Variants in ACSM5 observed in about 807,000 individuals in gnomAD.
ACSM5 encodes acyl-coenzyme A synthetase ACSM5, mitochondrial.
In ACSM5, 56 loss-of-function variants were observed where a neutral mutation model predicts 71.6. The ratio of observed to expected loss-of-function variants is 0.78; its 90% CI spans 0.63 to 0.98. The LOEUF (loss-of-function observed/expected upper bound fraction) is 0.98, where lower values mean the gene tolerates loss of function less well. Among genes scored for constraint, ACSM5 ranks in the 50% least tolerant of loss-of-function variants. ACSM5 has a pLI of 0.00. For synonymous variants in ACSM5, 285 were observed against 281.5 expected, an observed-to-expected ratio of 1.01 and a Z score of -0.12; for missense variants, 723 against 726.0, an observed-to-expected ratio of 1.00 and a Z score of 0.05.
At chr16:20,431,110 T>C (rs1967088476) in intron 9 of ACSM5, 37 bp downstream of exon 9, 1 of 1,606,726 alleles carries the variant, frequency 6.2e-7, no homozygotes, top group Non-Finnish European at 8.5e-7. Flanking sequence ...AGGCCTGGCA[T>C]GGAGAGGAGA....
At chr16:20,413,878 ATTTAAAGATAT>A (rs1966851909) in intron 2 of ACSM5, among the ~76,000 whole-genome samples, 1 of 151,360 alleles carries the variant, frequency 6.6e-6, no homozygotes, top group Non-Finnish European at 1.5e-5. Context: ...GGTTTCAGGC[ATTTAAAGATAT>A]TTCTGTCTAA....
intron 5 of ACSM5, among the ~76,000 whole-genome samples, chr16:20,422,311 C>G (rs1966895751): frequency 6.6e-6 from 1 of 152,202 alleles, no homozygotes; most frequent in African/African-American, 2.4e-5. Context: ...CGGGTTTCAC[C>G]ATGTTGGCCA....
intron 5 of ACSM5, among the ~76,000 whole-genome samples, chr16:20,421,652 T>C (rs898399944): frequency 7.6e-4 from 70 of 91,688 alleles, no homozygotes; most frequent in Admixed American, 6.5e-3. Context: ...TATATATATA[T>C]ATATACACAC....
chr16:20,434,617 C>T (rs150687873), intron 10 of ACSM5, among the ~76,000 whole-genome samples: 1 of 152,182 alleles, frequency 6.6e-6, no homozygotes, highest in Non-Finnish European at 1.5e-5. Context: ...TTGCTTGAAC[C>T]CGGGAGGCAG....
At chr16:20,438,603 T>G (rs1453611223) in intron 12 of ACSM5, among the ~76,000 whole-genome samples, 6 of 151,782 alleles carry the variant, frequency 4.0e-5, no homozygotes, top group Admixed American at 3.9e-4. Flanking sequence ...GACAAATGGC[T>G]GTGTGCTCAA....
intron 2 of ACSM5, among the ~76,000 whole-genome samples, chr16:20,415,966 A>G (rs1328816199): frequency 6.6e-6 from 1 of 152,204 alleles, no homozygotes; most frequent in Non-Finnish European, 1.5e-5. Flanking sequence ...GAAGTTAAGA[A>G]ATGATTTCAT....
Position 20,421,388 on chromosome 16 carries a change from G to A in ACSM5, c.754G>A (p.Val252Met), listed in dbSNP as rs1966879422. ...CCAGAGCAGCTACGGACTGGGTTTTGTGGCCAGCGGAAGGTACCAGAGCAG... is the reference window on the plus strand; with the variant it reads ...CCAGAGCAGCTACGGACTGGGTTTTATGGCCAGCGGAAGGTACCAGAGCAG... Reference protein sequence around the residue: ...HSQSSYGLGFVASGRRWVALT... With the variant: ...HSQSSYGLGFMASGRRWVALT... The change falls in exon 5 of 14, where the codon GTG becomes ATG. Residue 252 changes from valine to methionine, a missense_variant. Physicochemically the swap from Val to Met is conservative, Grantham distance 21. Transcript: ENST00000331849. 6.3e-7 allele frequency: 1 copy of A among 1,597,202 alleles called. No individual in the cohort carries two copies. Among genetic ancestry groups the A allele is most frequent in the South Asian group, 1.1e-5 (1 of 89,248 alleles).
In ACSM5 at chr16:20,440,435, C is replaced by T. The variant is rs1967303869; in HGVS notation, c.*8C>T. Reference sequence around the variant, plus strand: ...CAGGAGTGGGGGAAATGAGGTGCACCCCAGGAAGGCCCCGTAGACCTCCGA... The same window carrying T: ...CAGGAGTGGGGGAAATGAGGTGCACTCCAGGAAGGCCCCGTAGACCTCCGA... On this transcript the variant is annotated 3_prime_UTR_variant, in exon 14 of 14. Coordinates refer to ENST00000331849, the MANE Select transcript of ACSM5 (RefSeq NM_017888.3). 5 of 1,607,372 alleles carry T rather than the reference C, an allele frequency of 3.1e-6. No homozygotes were observed. Among genetic ancestry groups the T allele is most frequent in the Non-Finnish European group, 4.3e-6 (5 of 1,174,196 alleles).
At position 20,431,519 on chromosome 16, in the gene ACSM5, C is replaced by A. The variant is rs557185883; in HGVS notation, c.1308+198C>A. Among the ~76,000 whole-genome samples the A allele has an allele frequency of 1.1e-4, 16 of 152,208 alleles. No individual in the cohort carries two copies. In the East Asian group the frequency reaches 2.9e-3, roughly 28 times the overall value. Reference sequence around the variant, plus strand: ...CTACTACAAAGGGGAAGTGACTTATCCAGCATCATGCAAATAGTACAGGCA... The same window carrying A: ...CTACTACAAAGGGGAAGTGACTTATACAGCATCATGCAAATAGTACAGGCA... On this transcript the variant is annotated intron_variant, in intron 10 of 13. Coordinates refer to ENST00000331849, the MANE Select transcript of ACSM5 (RefSeq NM_017888.3).
At position 20,440,514 on chromosome 16, in the gene ACSM5, C is replaced by G. The variant is rs577063222; in HGVS notation, c.*87C>G. 5 of 1,206,802 alleles carry G rather than the reference C, an allele frequency of 4.1e-6. No individual in the cohort carries two copies. The East Asian group carries it at 7.0e-5, about 17-fold the overall frequency. 74.8% of individuals were successfully genotyped at this position (1,206,802 alleles called of 1,614,324 possible). On this transcript the variant is annotated 3_prime_UTR_variant, in exon 14 of 14. Transcript: ENST00000331849. The stretch of plus-strand genomic sequence containing the variant: ...GGTCAGTCCCCATGGGGAGCATCAT[C>G]TCTTCGACCCTAAAGATGTCAAAGG...
chr16:20,419,449 C>A lies in ACSM5; in HGVS notation c.623+14C>A, dbSNP rs780051706. On this transcript the variant is annotated intron_variant, in intron 4 of 13. Coordinates refer to ENST00000331849, the MANE Select transcript of ACSM5 (RefSeq NM_017888.3). The stretch of plus-strand genomic sequence containing the variant: ...GGAACTCCTCCGGTGAATTGGGGCT[C>A]TCCAGAACAGCAGAAAAATGAAGTC... 14 of 1,612,492 alleles carry A rather than the reference C, an allele frequency of 8.7e-6. No individual in the cohort carries two copies. The East Asian group carries it at 3.1e-4, about 36-fold the overall frequency.
At chr16:20,425,077 A>G (rs140375245) in intron 6 of ACSM5, among the ~76,000 whole-genome samples, 1,772 of 152,322 alleles carry the variant, frequency 0.012, 34 homozygotes, top group African/African-American at 0.041. Flanking sequence ...CTTTAAAATA[A>G]CAGGTCTTAT....
chr16:20,421,279 C>A lies in ACSM5; in HGVS notation c.645C>A (p.Asn215Lys). The change falls in exon 5 of 14, where the codon AAC becomes AAA. Residue 215 changes from asparagine to lysine, a missense_variant. Transcript: ENST00000331849. Reference protein sequence around the residue: ...ELLREASTEHNCMRTKSRDPL... With the variant: ...ELLREASTEHKCMRTKSRDPL... ...ACAGGGAGGCTTCTACAGAGCACAA[C>A]TGCATGAGGACAAAGAGTCGAGACC... is the stretch of plus-strand genomic sequence containing the variant. The A allele has an allele frequency of 1.2e-6, 2 of 1,604,726 alleles. No individual in the cohort carries two copies. Among genetic ancestry groups the A allele is most frequent in the South Asian group, 1.1e-5 (1 of 89,776 alleles).
intron 5 of ACSM5, among the ~76,000 whole-genome samples, chr16:20,422,260 C>T (rs376228545): frequency 4.6e-5 from 7 of 152,120 alleles, no homozygotes; most frequent in East Asian, 1.9e-4. Context: ...TACAGGTGCC[C>T]GCCACCACAC....
Position 20,411,573 on chromosome 16 carries a change from C to G in ACSM5, c.89C>G (p.Pro30Arg). 1 of 1,614,202 alleles carries G rather than the reference C, an allele frequency of 6.2e-7. No individual in the cohort carries two copies. The highest frequency in any genetic ancestry group is 8.5e-7 in the Non-Finnish European group (1 of 1,180,038). The change falls in exon 2 of 14, where the codon CCT (proline) becomes CGT (arginine). Residue 30 changes from proline to arginine, a missense_variant. Coordinates refer to ENST00000331849, the MANE Select transcript of ACSM5 (RefSeq NM_017888.3). ...CGSHGKPAPLPVPQKIVATWE... is the reference protein window; with the variant it reads ...CGSHGKPAPLRVPQKIVATWE... ...TCTCATGGGAAGCCAGCACCTCTAC[C>G]TGTTCCTCAGAAGATCGTGGCCACC...
chr16:20,429,568 G>C, intron 7 of ACSM5, 110 bp from the exon 8 acceptor site: 1 of 1,445,796 alleles, frequency 6.9e-7, no homozygotes, highest in East Asian at 2.3e-5. Flanking sequence ...TAAAAAGCAG[G>C]GGCATCTACC....
rs565692748 is a variant in ACSM5, at chr16:20,439,803, G to T, written c.1540G>T (p.Val514Leu). 31 of 1,590,836 alleles carry T rather than the reference G, an allele frequency of 1.9e-5. No homozygotes were observed. In the African/African-American group the frequency reaches 4.2e-4, roughly 21 times the overall value. ...SSPDPIRGEV[V>L]KAFIVLTPAY... ...TGGGTATTTTGTTTTCCTGCAGGTG[G>T]TAAAGGCATTTATAGTCCTTACTCC... The change falls in exon 13 of 14, where the codon GTA (valine) becomes TTA (leucine). Residue 514 changes from valine to leucine, a missense_variant. By Grantham distance (32) the Val-to-Leu change is conservative (BLOSUM62 1). Transcript: ENST00000331849.
At chr16:20,424,446 A>G (rs1413954164) in intron 6 of ACSM5, among the ~76,000 whole-genome samples, 3 of 152,160 alleles carry the variant, frequency 2.0e-5, no homozygotes, top group African/African-American at 7.2e-5. Context: ...TGGCCCAACT[A>G]GAGAGTCCTG....
At chr16:20,424,366 A>G (rs889259571) in intron 6 of ACSM5, among the ~76,000 whole-genome samples, 1 of 152,130 alleles carries the variant, frequency 6.6e-6, no homozygotes, top group Non-Finnish European at 1.5e-5. Flanking sequence ...GTATTTGTCA[A>G]ACCCTTAGGC....
Sources: allele counts gnomAD v4.1 joint callset (sites outside exome capture counted in the v4.1 genomes callset), GRCh38; gene constraint gnomAD v4.1.1; transcripts MANE v1.5; gene names NCBI Gene and HGNC (gene_info 2026-07-23, HGNC 2026-07-21).